The following TNNI3K variants were observed in gnomAD, a reference collection of about 807,000 sequenced individuals.
TNNI3K encodes the protein TNNI3 interacting kinase, also known as serine/threonine-protein kinase TNNI3K.
Under a neutral mutation model 114.5 loss-of-function variants are expected in TNNI3K, and 140 were observed. The observed-to-expected ratio is 1.22, with a 90% CI of 1.07 to 1.41. TNNI3K has a LOEUF of 1.41. Among genes scored for constraint, TNNI3K ranks in the 40% most tolerant of loss-of-function variants. The probability of loss-of-function intolerance (pLI) is 0.00; values close to 1 mark genes in which losing one functional copy is unlikely to be tolerated. For missense variants in TNNI3K, 1,125 were observed against 1,007.6 expected (o/e 1.12, Z -1.58); for synonymous variants, 347 against 347.5 (o/e 1.00, Z 0.02).
intron 5 of TNNI3K, among the ~76,000 whole-genome samples, chr1:74,327,677 AATC>A (rs1403604294): frequency 2.1e-5 from 3 of 146,092 alleles, no homozygotes; most frequent in African/African-American, 5.0e-5. Flanking sequence ...TATTAAATAT[AATC>A]ATATATTTAT....
intron 22 of TNNI3K, among the ~76,000 whole-genome samples, chr1:74,489,940 G>A (rs1668970687): frequency 6.7e-6 from 1 of 149,838 alleles, no homozygotes; most frequent in Non-Finnish European, 1.5e-5. Context: ...GATCATATAT[G>A]CATTTGCATA....
At chr1:74,388,425 G>T (rs1424761401) in intron 17 of TNNI3K, among the ~76,000 whole-genome samples, 4 of 152,194 alleles carry the variant, frequency 2.6e-5, no homozygotes, top group Non-Finnish European at 5.9e-5. Flanking sequence ...GGAAAATGCA[G>T]ATGCAGTGAC....
chr1:74,480,328 G>C, intron 21 of TNNI3K: 1 of 717,766 alleles, frequency 1.4e-6, no homozygotes, highest in Non-Finnish European at 2.6e-6. Flanking sequence ...TTAGGTCCTT[G>C]GCATTCCTGA....
chr1:74,496,255 C>A (rs1669321665), intron 23 of TNNI3K, among the ~76,000 whole-genome samples: 1 of 152,074 alleles, frequency 6.6e-6, no homozygotes, highest in Non-Finnish European at 1.5e-5. Context: ...AAGAGAAAGC[C>A]AAGGTGAAAT....
chr1:74,366,898 C>T (rs1662302288), intron 11 of TNNI3K, among the ~76,000 whole-genome samples: 1 of 151,886 alleles, frequency 6.6e-6, no homozygotes, highest in Non-Finnish European at 1.5e-5. Flanking sequence ...TTTAATAGTG[C>T]CCTTATTATA....
chr1:74,342,451 A>C (rs1297827736), intron 7 of TNNI3K, among the ~76,000 whole-genome samples: 1 of 152,158 alleles, frequency 6.6e-6, no homozygotes, highest in Non-Finnish European at 1.5e-5. Context: ...ATCTCTGGGA[A>C]TGGTGCTGTG....
intron 5 of TNNI3K, among the ~76,000 whole-genome samples, chr1:74,305,907 A>T: frequency 6.6e-6 from 1 of 152,162 alleles, no homozygotes; most frequent in East Asian, 1.9e-4. Flanking sequence ...TTCAGGGGGC[A>T]CATGTGCAGG....
intron 23 of TNNI3K, among the ~76,000 whole-genome samples, chr1:74,515,143 A>G (rs1479496607): frequency 6.6e-6 from 1 of 152,092 alleles, no homozygotes; most frequent in Non-Finnish European, 1.5e-5. Context: ...TTTAACCTGC[A>G]TAACAGTGAA....
At chr1:74,530,546 C>G (rs1646568396) in intron 23 of TNNI3K, among the ~76,000 whole-genome samples, 1 of 152,112 alleles carries the variant, frequency 6.6e-6, no homozygotes, top group Admixed American at 6.5e-5. Context: ...TCAAATAGAA[C>G]TAGAAGATCA....
chr1:74,347,485 G>A (rs1661078881), intron 9 of TNNI3K, among the ~76,000 whole-genome samples: 1 of 152,112 alleles, frequency 6.6e-6, no homozygotes, highest in African/African-American at 2.4e-5. Flanking sequence ...CTTTATAGCA[G>A]CATGATTTAT....
At chr1:74,368,207 T>A (rs976027846) in intron 13 of TNNI3K, among the ~76,000 whole-genome samples, 8 of 151,868 alleles carry the variant, frequency 5.3e-5, no homozygotes, top group Non-Finnish European at 1.2e-4. Context: ...CTCACTGGAC[T>A]GTTTAGATGT....
At chr1:74,471,203 GGGCACGTTTAGTGT>G in intron 21 of TNNI3K, 1 of 400,692 alleles carries the variant, frequency 2.5e-6, no homozygotes. Context: ...CTGAGCAGGG[GGGCACGTTTAGTGT>G]TTCGTTGATA....
At chr1:74,508,686 A>G (rs1431397358) in intron 23 of TNNI3K, among the ~76,000 whole-genome samples, 3 of 152,154 alleles carry the variant, frequency 2.0e-5, no homozygotes, top group South Asian at 2.1e-4. Context: ...TCAGAGCCCA[A>G]CCCGGGGCAT....
At chr1:74,483,672 A>G (rs1245600626) in intron 21 of TNNI3K, among the ~76,000 whole-genome samples, 1 of 152,212 alleles carries the variant, frequency 6.6e-6, no homozygotes, top group Non-Finnish European at 1.5e-5. Context: ...CTTTCACCAA[A>G]CATTATCTTA....
intron 5 of TNNI3K, among the ~76,000 whole-genome samples, chr1:74,274,836 A>G (rs541287480): frequency 1.3e-5 from 2 of 152,188 alleles, no homozygotes; most frequent in Admixed American, 6.6e-5. Flanking sequence ...GAACTCTTAC[A>G]CTATTCTACA....
chr1:74,528,526 T>G (rs552897386), intron 23 of TNNI3K, among the ~76,000 whole-genome samples: 1 of 152,154 alleles, frequency 6.6e-6, no homozygotes, highest in South Asian at 2.1e-4. Context: ...CAATGGGAGA[T>G]TTGTACATTC....
chr1:74,344,918 T>C (rs1010419901), intron 9 of TNNI3K, among the ~76,000 whole-genome samples: 1 of 152,116 alleles, frequency 6.6e-6, no homozygotes. Context: ...TTTATGTACA[T>C]AGTATTTTGC....
chr1:74,304,229 G>T (rs1658490641), intron 5 of TNNI3K, among the ~76,000 whole-genome samples: 1 of 152,146 alleles, frequency 6.6e-6, no homozygotes, highest in African/African-American at 2.4e-5. Context: ...TTGCTACAGA[G>T]AAATCTTTCA....
At chr1:74,378,598 A>ATG (rs1341322595) in intron 17 of TNNI3K, 1 of 44,842 alleles carries the variant, frequency 2.2e-5, no homozygotes, top group Non-Finnish European at 4.2e-5. Flanking sequence ...TTAATTTTAT[A>ATG]TATATATATA....
Sources: gnomAD v4.1 joint callset for allele counts (sites outside exome capture counted in the v4.1 genomes callset) on GRCh38, gnomAD v4.1.1 for gene constraint, MANE v1.5 for transcripts, NCBI Gene and HGNC (gene_info 2026-07-23, HGNC 2026-07-21) for gene names.